Variants in GPR153 observed in about 807,000 individuals in gnomAD.
GPR153 encodes G protein-coupled receptor 153, also known as probable G protein-coupled receptor 153.
A neutral mutation model predicts 34.1 loss-of-function variants in GPR153; 27 were observed. The observed-to-expected ratio is 0.79, with a 90% CI of 0.58 to 1.09. The LOEUF (loss-of-function observed/expected upper bound fraction) is 1.09. Ranked by LOEUF, GPR153 falls within the 50% of genes least tolerant of loss-of-function variation. The pLI is 0.00. For synonymous variants in GPR153, 408 were observed against 405.4 expected (o/e 1.01, Z -0.08); for missense variants, 848 against 860.2 (o/e 0.99, Z 0.18).
chr1:6,252,804 T>G (rs946030015), intron 3 of GPR153, among the ~76,000 whole-genome samples: 5 of 152,138 alleles, frequency 3.3e-5, no homozygotes, highest in African/African-American at 1.2e-4. Flanking sequence ...GAGTCCAGAC[T>G]TCATTCTTGG....
At chr1:6,259,128 G>A (rs1638621509) in intron 1 of GPR153, among the ~76,000 whole-genome samples, 1 of 152,216 alleles carries the variant, frequency 6.6e-6, no homozygotes, top group Non-Finnish European at 1.5e-5. Flanking sequence ...AGGCGTAGTG[G>A]TGTGAGCCTA....
chr1:6,260,652 A>G (rs1423356853), intron 1 of GPR153, among the ~76,000 whole-genome samples, 173 bp downstream of exon 1: 4 of 151,578 alleles, frequency 2.6e-5, no homozygotes, highest in Admixed American at 2.6e-4. Context: ...GGCCCCAGGG[A>G]AGTTACCCCG....
At chr1:6,253,088 C>T (rs1321685920) in intron 3 of GPR153, among the ~76,000 whole-genome samples, 1 of 152,190 alleles carries the variant, frequency 6.6e-6, no homozygotes, top group Admixed American at 6.5e-5. Flanking sequence ...GCTATCCTAC[C>T]TCTGCATCAA....
At chr1:6,256,181 C>A (rs1014138698) in intron 1 of GPR153, among the ~76,000 whole-genome samples, 20 of 152,138 alleles carry the variant, frequency 1.3e-4, no homozygotes, top group African/African-American at 4.8e-4. Context: ...TCTCAAGGAG[C>A]TTTCCCTCTT....
Position 6,254,942 on chromosome 1 carries a change from T to A in GPR153, c.-37A>T. On this transcript the variant is annotated 5_prime_UTR_variant, in exon 2 of 6. Transcript: ENST00000377893. ...GAGCTGGCAGGCGGCTGTGGCATCC[T>A]CCTTGGAGCCAGGTCTCAGGGAGCA... The A allele has an allele frequency of 6.8e-7, 1 of 1,466,696 alleles. No homozygotes were observed. The highest frequency in any genetic ancestry group is 9.1e-7 in the Non-Finnish European group (1 of 1,096,822). 90.9% of individuals were successfully genotyped at this position (1,466,696 alleles called of 1,614,324 possible).
chr1:6,255,957 G>A (rs566891949), intron 1 of GPR153, among the ~76,000 whole-genome samples: 123 of 152,146 alleles, frequency 8.1e-4, no homozygotes, highest in South Asian at 7.3e-3. Context: ...TGCCCTGCCT[G>A]GCTAATTTTA....
Position 6,257,087 on chromosome 1 carries a change from G to C in GPR153, c.-109-2073C>G, listed in dbSNP as rs184593908. ...CCTTCCAGGTTACCTGCATCCTCAG[G>C]GAACCATCCAAGGTGGGCCCAGATG... On this transcript the variant is annotated intron_variant, in intron 1 of 5. Transcript: ENST00000377893. Among the ~76,000 whole-genome samples the C allele has an allele frequency of 2.4e-3, 362 of 152,316 alleles. 2 individuals are homozygous for C. Among genetic ancestry groups the C allele is most frequent in the Middle Eastern group, 3.4e-3 (1 of 294 alleles).
rs1638412247 is a variant in GPR153 at position 6,250,279 on chromosome 1, C to T, written c.1164+161G>A. On this transcript the variant is annotated intron_variant, in intron 5 of 5. Coordinates refer to ENST00000377893, the MANE Select transcript of GPR153 (RefSeq NM_207370.4). ...CATGGGGGTGGCGGTTGGGGCCCAC[C>T]CACACAAGCTGTGTGACCTTTGGAC... The T allele has an allele frequency of 1.0e-5, 10 of 985,274 alleles. No individual in the cohort carries two copies. In the South Asian group the frequency reaches 4.2e-4, roughly 42 times the overall value. The allele number at this position is 985,274 out of a possible 1,614,324, so 61.0% of individuals were successfully genotyped here.
In GPR153 at chr1:6,250,631, G is replaced by A; in HGVS notation, c.980-7C>T. On this transcript the variant is annotated splice_polypyrimidine_tract_variant and splice_region_variant and intron_variant, in intron 4 of 5. Coordinates refer to ENST00000377893, the MANE Select transcript of GPR153 (RefSeq NM_207370.4). ...CCACCTTCCAGGCTGGTCTCTGTAGGGTGGGGGGTGGGTGGGGGGGCAGAG... is the reference window on the plus strand; with the variant it reads ...CCACCTTCCAGGCTGGTCTCTGTAGAGTGGGGGGTGGGTGGGGGGGCAGAG... The A allele has an allele frequency of 8.4e-6, 2 of 237,500 alleles. No homozygotes were observed. Among genetic ancestry groups the A allele is most frequent in the Non-Finnish European group, 1.7e-5 (2 of 118,108 alleles). 14.7% of individuals were successfully genotyped at this position (237,500 alleles called of 1,614,324 possible).
rs1371642160 is a variant in GPR153 at position 6,248,137 on chromosome 1, G to A, written c.*1201C>T. ...CCTATTTCACTAGCTCAAGGTTATA[G>A]CTGTTCCTGGTTCTCCTTAGCCTGG... On this transcript the variant is annotated 3_prime_UTR_variant, in exon 6 of 6. Transcript: ENST00000377893. 1 of 152,352 alleles carries A rather than the reference G, an allele frequency of 6.6e-6. No individual in the cohort carries two copies. Among genetic ancestry groups the A allele is most frequent in the Admixed American group, 6.5e-5 (1 of 15,284 alleles). 9.4% of individuals were successfully genotyped at this position (152,352 alleles called of 1,614,324 possible).
intron 4 of GPR153, 37 bp from the exon 5 acceptor site, chr1:6,250,661 AG>A (rs953711627): frequency 1.2e-5 from 6 of 489,704 alleles, no homozygotes; most frequent in African/African-American, 2.4e-5. Flanking sequence ...GCAGAGCCTT[AG>A]GGTCATGGAA....
Position 6,249,853 on chromosome 1 carries a change from T to C in GPR153, c.1315A>G (p.Ser439Gly). 1 of 1,264,700 alleles carries C rather than the reference T, an allele frequency of 7.9e-7. No homozygotes were observed. The highest frequency in any genetic ancestry group is 1.0e-6 in the Non-Finnish European group (1 of 1,003,014). 78.3% of individuals were successfully genotyped at this position (1,264,700 alleles called of 1,614,324 possible). The part of the protein sequence containing the change: ...LPAGPERRRA[S>G]LLAFAEDAPP... The stretch of plus-strand genomic sequence containing the variant: ...GCGTCCTCCGCGAAGGCCAGGAGGC[T>C]GGCGCGGCGCCGCTCGGGCCCGGCA... The change falls in exon 6 of 6, where the codon AGC becomes GGC. Residue 439 changes from serine (S) to glycine (G), a missense_variant. Physicochemically the swap from Ser to Gly is moderately conservative, Grantham distance 56. Coordinates refer to ENST00000377893, the MANE Select transcript of GPR153 (RefSeq NM_207370.4). The surrounding 1 kb of genome is among the most constrained non-coding windows in gnomAD (Gnocchi z 4.3).
chr1:6,251,646 G>A lies in GPR153; in HGVS notation c.787-116C>T, dbSNP rs1638452634. On this transcript the variant is annotated intron_variant, in intron 3 of 5. Coordinates refer to ENST00000377893, the MANE Select transcript of GPR153 (RefSeq NM_207370.4). This position sits in a 1 kb window ranked among gnomAD's most constrained non-coding sequence, Gnocchi z 4.9. The stretch of plus-strand genomic sequence containing the variant: ...GGTCTGACAGGTGGGTATCTGCCAA[G>A]GAGAAGGGGCCCTTGGGGAGAAAAG... 3 of 1,151,064 alleles carry A rather than the reference G, an allele frequency of 2.6e-6. No homozygotes were observed. Among genetic ancestry groups the A allele is most frequent in the South Asian group, 3.3e-5 (2 of 60,736 alleles). 71.3% of individuals were successfully genotyped at this position (1,151,064 alleles called of 1,614,324 possible). A position where few individuals can be genotyped will look rare whatever the true frequency, so the allele number is the denominator to read the frequency against.
chr1:6,257,728 A>G (rs192597282), intron 1 of GPR153, among the ~76,000 whole-genome samples: 1 of 152,376 alleles, frequency 6.6e-6, no homozygotes, highest in Admixed American at 6.5e-5. Flanking sequence ...AGTCAGGGAC[A>G]TAGGATGCTG....
chr1:6,255,642 G>GTTTTTTTTTTTTTTTTT (rs59403526), intron 1 of GPR153, among the ~76,000 whole-genome samples: 1 of 38,840 alleles, frequency 2.6e-5, no homozygotes, highest in African/African-American at 9.6e-5. Context: ...GCCTGGCTAC[G>GTTTTTTTTTTTTTTTTT]TTTTTTTTTT....
intron 1 of GPR153, among the ~76,000 whole-genome samples, chr1:6,258,100 C>T (rs1323344827): frequency 1.3e-5 from 2 of 152,216 alleles, no homozygotes; most frequent in Non-Finnish European, 2.9e-5. Context: ...GCAGCGATGC[C>T]CCAGCCAGCA....
Position 6,253,912 on chromosome 1 carries a change from T to A in GPR153, c.592A>T (p.Thr198Ser), listed in dbSNP as rs758789216. ...VICTAIALFQ[T>S]LAVQVGRQAD... is the part of the protein sequence containing the mutation. The stretch of plus-strand genomic sequence containing the variant: ...TGGCGCCCCACCTGCACGGCCAGCG[T>A]CTGGAAGAGGGCGATGGCTGTGCAG... Residue 198 changes from threonine (T) to serine (S), a missense_variant, in exon 3 of 6, where the codon ACG becomes TCG. Coordinates refer to ENST00000377893, the MANE Select transcript of GPR153 (RefSeq NM_207370.4). The A allele has an allele frequency of 6.2e-7, 1 of 1,610,352 alleles. No individual in the cohort carries two copies. Among genetic ancestry groups the A allele is most frequent in the South Asian group, 1.1e-5 (1 of 90,812 alleles).
In GPR153 at chr1:6,247,386, T is replaced by C. The variant is rs1459818317; in HGVS notation, c.*1952A>G. 1 of 152,196 alleles carries C rather than the reference T, an allele frequency of 6.6e-6. No individual in the cohort carries two copies. Among genetic ancestry groups the C allele is most frequent in the East Asian group, 1.9e-4 (1 of 5,192 alleles). The allele number at this position is 152,196 out of a possible 1,614,324, so 9.4% of individuals were successfully genotyped here. On this transcript the variant is annotated 3_prime_UTR_variant, in exon 6 of 6. Coordinates refer to ENST00000377893, the MANE Select transcript of GPR153 (RefSeq NM_207370.4). The stretch of plus-strand genomic sequence containing the variant: ...ATAAGGAAGTTTTTATTGGGTCCTG[T>C]ACAGAAGAGAAATGCTCCGTTGTCA...
At position 6,261,052 on chromosome 1, in the gene GPR153, C is replaced by T. The variant is rs1289490997; in HGVS notation, c.-337G>A. The T allele has an allele frequency of 6.8e-6, 1 of 148,086 alleles. No homozygotes were observed. The highest frequency in any genetic ancestry group is 1.5e-5 in the Non-Finnish European group (1 of 66,444). The allele number at this position is 148,086 out of a possible 1,614,324, so 9.2% of individuals were successfully genotyped here. A position where few individuals can be genotyped will look rare whatever the true frequency, so the allele number is the denominator to read the frequency against. ...CCTCCCCTAGGCGCCGCCGCCGCCG[C>T]CGCGCTTCGCTCAGCTCCCGCCGCT... is the stretch of plus-strand genomic sequence containing the variant. On this transcript the variant is annotated 5_prime_UTR_variant, in exon 1 of 6. Transcript: ENST00000377893.
Sources: allele counts gnomAD v4.1 joint callset (sites outside exome capture counted in the v4.1 genomes callset), GRCh38; gene constraint gnomAD v4.1.1; non-coding constraint Gnocchi (gnomAD v3.1); transcripts MANE v1.5; gene names NCBI Gene and HGNC (gene_info 2026-07-23, HGNC 2026-07-21).